The following FAM227B variants were observed in gnomAD, a reference collection of about 807,000 sequenced individuals.
The protein encoded by FAM227B is protein FAM227B.
Under a neutral mutation model 73.8 loss-of-function variants are expected in FAM227B, and 88 were observed. That is an observed-to-expected ratio of 1.19 (90% CI 1.00 to 1.42). The LOEUF is 1.42. Among genes scored for constraint, FAM227B ranks in the 40% most tolerant of loss-of-function variants. The pLI, the probability that FAM227B is intolerant of heterozygous loss-of-function variation, is 0.00. For synonymous variants in FAM227B, 210 were observed against 190.5 expected (o/e 1.10, Z -0.84); for missense variants, 632 against 590.9 (o/e 1.07, Z -0.72).
At chr15:49,427,923 A>G (rs952589548) in intron 11 of FAM227B, among the ~76,000 whole-genome samples, 3 of 152,014 alleles carry the variant, frequency 2.0e-5, no homozygotes, top group Non-Finnish European at 4.4e-5. Context: ...AAAATTACTT[A>G]AGCTATCCTG....
chr15:49,570,682 T>A (rs2152359290), intron 8 of FAM227B, among the ~76,000 whole-genome samples: 2 of 151,660 alleles, frequency 1.3e-5, no homozygotes, highest in South Asian at 4.1e-4. Context: ...TGAGATTGAC[T>A]TTTTTAAATT....
At chr15:49,589,649 A>C (rs2152407398) in intron 4 of FAM227B, 127 bp downstream of exon 4, 1 of 642,850 alleles carries the variant, frequency 1.6e-6, no homozygotes, top group East Asian at 2.8e-5. Context: ...GCACTGGCTT[A>C]TGCCTGTAAT....
At chr15:49,422,649 G>A in intron 11 of FAM227B, 1 of 1,104,242 alleles carries the variant, frequency 9.1e-7, no homozygotes, top group South Asian at 1.3e-5. Flanking sequence ...CAGGTAACTT[G>A]CCCGAAGTCA....
intron 14 of FAM227B, among the ~76,000 whole-genome samples, chr15:49,333,687 C>T (rs560525214): frequency 6.6e-6 from 1 of 152,284 alleles, no homozygotes; most frequent in Non-Finnish European, 1.5e-5. Flanking sequence ...TGAAGTGTGA[C>T]TGGCACAAAG....
intron 11 of FAM227B, among the ~76,000 whole-genome samples, chr15:49,491,854 TA>T (rs1215960688): frequency 6.6e-6 from 1 of 151,936 alleles, no homozygotes. Flanking sequence ...TTGAGTGTGA[TA>T]AAAGTAAAAG....
chr15:49,329,609 T>C, intron 15 of FAM227B: 1 of 984,768 alleles, frequency 1.0e-6, no homozygotes, highest in Non-Finnish European at 1.2e-6. Flanking sequence ...TTCTGATGCA[T>C]TTTCATTCTT....
At chr15:49,563,163 C>G (rs990944907) in intron 9 of FAM227B, among the ~76,000 whole-genome samples, 3 of 152,012 alleles carry the variant, frequency 2.0e-5, no homozygotes, top group Non-Finnish European at 2.9e-5. Flanking sequence ...AATACAAAAC[C>G]AATGTACAAA....
chr15:49,478,095 G>C (rs2055529957), intron 11 of FAM227B, among the ~76,000 whole-genome samples: 1 of 152,102 alleles, frequency 6.6e-6, no homozygotes, highest in Non-Finnish European at 1.5e-5. Flanking sequence ...GTAGTCCCCA[G>C]TGTCAGTTGT....
At chr15:49,594,983 G>T (rs2076808047) in intron 3 of FAM227B, among the ~76,000 whole-genome samples, 1 of 151,964 alleles carries the variant, frequency 6.6e-6, no homozygotes, top group Admixed American at 6.6e-5. Flanking sequence ...ATTTTGATGG[G>T]AATTACACTG....
chr15:49,468,814 T>A (rs1434531802), intron 11 of FAM227B, among the ~76,000 whole-genome samples: 1 of 152,216 alleles, frequency 6.6e-6, no homozygotes, highest in Non-Finnish European at 1.5e-5. Flanking sequence ...ATACTAGCAC[T>A]GACAAAAGAG....
At chr15:49,400,620 C>G (rs2048067599) in intron 11 of FAM227B, among the ~76,000 whole-genome samples, 1 of 101,708 alleles carries the variant, frequency 9.8e-6, no homozygotes, top group African/African-American at 4.3e-5. Context: ...GCTACAGTAA[C>G]CAAAACAGCA....
chr15:49,477,008 G>A (rs11070695), intron 11 of FAM227B, among the ~76,000 whole-genome samples: 39,816 of 151,074 alleles, frequency 0.26, 5,867 homozygotes, highest in Non-Finnish European at 0.34. Flanking sequence ...TGCAGTGAGC[G>A]GAGATCCCGC....
rs910958779 is a variant in FAM227B, at chr15:49,489,729, C to T, written c.1012+18482G>A. Among the ~76,000 whole-genome samples the T allele has an allele frequency of 6.9e-5, 10 of 143,914 alleles. No individual in the cohort carries two copies. The Admixed American group carries it at 7.2e-4, about 10-fold the overall frequency. 94.4% of individuals were successfully genotyped at this position (143,914 alleles called of 152,430 possible). A position where few individuals can be genotyped will look rare whatever the true frequency, so the allele number is the denominator to read the frequency against. ...ACAATTGATTTCAATGGTAGGTACACACTGGTATCCCCTGTTCTATATATA... is the reference window on the plus strand; with the variant it reads ...ACAATTGATTTCAATGGTAGGTACATACTGGTATCCCCTGTTCTATATATA... On this transcript the variant is annotated intron_variant, in intron 11 of 15. Coordinates refer to ENST00000299338, the MANE Select transcript of FAM227B (RefSeq NM_152647.3).
At chr15:49,499,989 T>G (rs1393984675) in intron 11 of FAM227B, among the ~76,000 whole-genome samples, 3 of 152,168 alleles carry the variant, frequency 2.0e-5, no homozygotes, top group Non-Finnish European at 2.9e-5. Flanking sequence ...ATTAAAAAAT[T>G]GATAAATGGG....
At chr15:49,606,774 C>T (rs116221200) in intron 3 of FAM227B, among the ~76,000 whole-genome samples, 2,302 of 152,190 alleles carry the variant, frequency 0.015, 50 homozygotes, top group African/African-American at 0.053. Flanking sequence ...TTTTGGCCAC[C>T]AGATGGCTTT....
chr15:49,620,775 T>C lies in FAM227B; in HGVS notation c.-148A>G, dbSNP rs2078657026. On this transcript the variant is annotated 5_prime_UTR_variant, in exon 1 of 16. Transcript: ENST00000299338. ...GTCCCAGCAAGAATCGGGAGGAAACTGGGTGAAAGGCTGCGAGGCTTGAGG... is the reference window on the plus strand; with the variant it reads ...GTCCCAGCAAGAATCGGGAGGAAACCGGGTGAAAGGCTGCGAGGCTTGAGG... 6.6e-6 allele frequency: 1 copy of C among 152,132 alleles called. No individual in the cohort carries two copies. The highest frequency in any genetic ancestry group is 2.4e-5 in the African/African-American group (1 of 41,414). 9.4% of individuals were successfully genotyped at this position (152,132 alleles called of 1,614,324 possible). A position where few individuals can be genotyped will look rare whatever the true frequency, so the allele number is the denominator to read the frequency against.
intron 11 of FAM227B, among the ~76,000 whole-genome samples, chr15:49,382,553 C>T (rs1009765136): frequency 1.1e-4 from 17 of 151,964 alleles, no homozygotes; most frequent in Admixed American, 5.2e-4. Flanking sequence ...TACCTAAATA[C>T]TGCAAAAGTA....
intron 11 of FAM227B, among the ~76,000 whole-genome samples, chr15:49,468,999 TA>T (rs1189032850): frequency 4.6e-5 from 7 of 152,152 alleles, no homozygotes; most frequent in Admixed American, 2.6e-4. Context: ...GTTGACACCT[TA>T]AAAAAATACA....
chr15:49,505,626 T>C (rs369367843), intron 11 of FAM227B, among the ~76,000 whole-genome samples: 1 of 152,008 alleles, frequency 6.6e-6, no homozygotes, highest in East Asian at 1.9e-4. Flanking sequence ...TTTGCAAGCA[T>C]TAAAGCAGCC....
Sources: allele counts gnomAD v4.1 joint callset (sites outside exome capture counted in the v4.1 genomes callset), GRCh38; gene constraint gnomAD v4.1.1; transcripts MANE v1.5; gene names NCBI Gene and HGNC (gene_info 2026-07-23, HGNC 2026-07-21).